CAPS2: variants seen among roughly 807,000 people sequenced by gnomAD.
The protein encoded by CAPS2 is calcyphosin-2.
A neutral mutation model predicts 86.5 loss-of-function variants in CAPS2; 98 were observed. The observed-to-expected ratio is 1.13, with a 90% CI of 0.96 to 1.34. CAPS2 has a LOEUF of 1.34. CAPS2 is among the 40% of genes most tolerant of loss of function. The probability of loss-of-function intolerance (pLI) is 0.00; values close to 1 mark genes in which losing one functional copy is unlikely to be tolerated. For missense variants in CAPS2, 729 were observed against 686.8 expected (o/e 1.06, Z -0.69); for synonymous variants, 210 against 225.1 (o/e 0.93, Z 0.60).
chr12:75,349,211 G>A (rs1247316870), intron 1 of CAPS2, among the ~76,000 whole-genome samples: 2 of 152,178 alleles, frequency 1.3e-5, no homozygotes, highest in Non-Finnish European at 2.9e-5. Context: ...CACACAGGGA[G>A]CAGAACTAAA....
chr12:75,380,698 T>G (rs2044915550), intron 1 of CAPS2, among the ~76,000 whole-genome samples: 1 of 152,208 alleles, frequency 6.6e-6, no homozygotes, highest in African/African-American at 2.4e-5. Flanking sequence ...TAGGTATTAC[T>G]ATGCCAAGCA....
intron 1 of CAPS2, among the ~76,000 whole-genome samples, chr12:75,337,159 G>A (rs4882617): frequency 0.93 from 140,677 of 151,882 alleles, 65,218 homozygotes; most frequent in East Asian, 1. Flanking sequence ...AAAGAAGAAT[G>A]GTTAAAAATC....
At chr12:75,334,070 T>C (rs1246953923), upstream of CAPS2, 1 of 152,182 alleles carries the variant, frequency 6.6e-6, no homozygotes, top group African/African-American at 2.4e-5. Context: ...AAAGGGAAGA[T>C]TTTGTCAAGA....
At chr12:75,309,133 TTAAC>T (rs2038860998) in intron 7 of CAPS2, among the ~76,000 whole-genome samples, 1 of 151,984 alleles carries the variant, frequency 6.6e-6, no homozygotes. Context: ...AAGGGCCAAA[TTAAC>T]TAAGCAGCAT....
chr12:75,293,711 C>T (rs577342041), intron 11 of CAPS2, among the ~76,000 whole-genome samples: 5 of 152,160 alleles, frequency 3.3e-5, no homozygotes, highest in Non-Finnish European at 7.4e-5. Context: ...AATGACATAC[C>T]ACAAACTGAA....
At chr12:75,293,356 C>G in exon 12 of CAPS2, 1 of 1,608,322 alleles carries the variant, frequency 6.2e-7, no homozygotes, top group Non-Finnish European at 8.5e-7. Context: ...TCAAAAATGT[C>G]AAGGTTGCAC....
intron 11 of CAPS2, among the ~76,000 whole-genome samples, chr12:75,296,702 G>A (rs963770329): frequency 2.8e-4 from 42 of 151,932 alleles, no homozygotes; most frequent in Admixed American, 3.9e-4. Flanking sequence ...GACTTAATGG[G>A]GCATATAGAT....
chr12:75,325,101 G>A, intron 2 of CAPS2, 138 bp downstream of exon 3: 1 of 572,692 alleles, frequency 1.7e-6, no homozygotes, highest in Non-Finnish European at 2.8e-6. Context: ...GTAATTTTCA[G>A]GCTATCCATA....
At chr12:75,357,932 T>A (rs2043258754) in intron 1 of CAPS2, among the ~76,000 whole-genome samples, 1 of 147,808 alleles carries the variant, frequency 6.8e-6, no homozygotes. Flanking sequence ...GCCTTCCACC[T>A]AAGAAACTAG....
At chr12:75,278,092 G>A (rs73187196) in exon 17 of CAPS2, 17,683 of 890,392 alleles carry the variant, frequency 0.02, 209 homozygotes, top group Non-Finnish European at 0.022. Flanking sequence ...ATAAGATAAT[G>A]TATTGATTTT....
chr12:75,376,593 C>T (rs868512623), intron 1 of CAPS2, among the ~76,000 whole-genome samples: 3 of 152,146 alleles, frequency 2.0e-5, no homozygotes, highest in Admixed American at 2.0e-4. Flanking sequence ...AGTATGGATG[C>T]GAGAAGGGAT....
At chr12:75,277,354 C>A (rs1294364072) in exon 17 of CAPS2, 1 of 973,196 alleles carries the variant, frequency 1.0e-6, no homozygotes, top group African/African-American at 1.8e-5. Flanking sequence ...TATTGAGCAC[C>A]CCCAGTATTA....
At chr12:75,285,953 A>G (rs2034803800) in intron 14 of CAPS2, among the ~76,000 whole-genome samples, 1 of 152,052 alleles carries the variant, frequency 6.6e-6, no homozygotes. Flanking sequence ...ATGCCAGTTT[A>G]TTCACTTTAC....
chr12:75,306,009 T>A, intron 7 of CAPS2: 1 of 1,460,704 alleles, frequency 6.8e-7, no homozygotes, highest in South Asian at 1.2e-5. Flanking sequence ...CTGCTCATGA[T>A]CCTGAGCCTC....
chr12:75,305,793 G>C (rs1379654076), intron 7 of CAPS2: 2 of 735,188 alleles, frequency 2.7e-6, no homozygotes, highest in Admixed American at 3.5e-5. Flanking sequence ...GATGTCGTCG[G>C]CAGCTACAAT....
At chr12:75,292,356 G>A (rs1346540570) in intron 12 of CAPS2, among the ~76,000 whole-genome samples, 1 of 151,942 alleles carries the variant, frequency 6.6e-6, no homozygotes, top group East Asian at 1.9e-4. Flanking sequence ...GTGAGCCGCT[G>A]CGCCTGGCCA....
At chr12:75,326,436 T>C (rs1244580565) in exon 1 of CAPS2, 6 of 1,504,084 alleles carry the variant, frequency 4.0e-6, no homozygotes, top group Admixed American at 2.0e-5. Context: ...GCTTCTTTCT[T>C]CCAAAGAATG....
chr12:75,371,157 CAA>C (rs1044965074), intron 1 of CAPS2: 3 of 152,680 alleles, frequency 2.0e-5, no homozygotes, highest in African/African-American at 7.2e-5. Context: ...TTCAAAATCT[CAA>C]AAGTCGGGAA....
intron 7 of CAPS2, among the ~76,000 whole-genome samples, chr12:75,308,266 AT>A (rs1006880630): frequency 1.3e-5 from 2 of 152,210 alleles, no homozygotes; most frequent in Admixed American, 1.3e-4. Flanking sequence ...CCACTTCTTC[AT>A]TTACATAGAC....
Sources: gnomAD v4.1 joint callset for allele counts (sites outside exome capture counted in the v4.1 genomes callset) on GRCh38, gnomAD v4.1.1 for gene constraint, MANE v1.5 for transcripts, NCBI Gene and HGNC (gene_info 2026-07-23, HGNC 2026-07-21) for gene names.